The following IHO1 variants were observed in gnomAD, a reference collection of about 807,000 sequenced individuals.
IHO1 encodes the protein interactor of HORMAD1 1.
Under a neutral mutation model 31.0 loss-of-function variants are expected in IHO1, and 13 were observed. The observed-to-expected ratio is 0.42, with a 90% CI of 0.27 to 0.67. IHO1 has a LOEUF of 0.67. IHO1 is among the 30% of genes least tolerant of loss of function. IHO1 has a pLI of 0.24. For synonymous variants in IHO1, 221 were observed against 248.4 expected (o/e 0.89, Z 1.04); for missense variants, 599 against 687.5 (o/e 0.87, Z 1.44).
At chr3:49,244,794 T>C in intron 6 of IHO1, 61 bp downstream of exon 6, 1 of 1,443,228 alleles carries the variant, frequency 6.9e-7, no homozygotes, top group Non-Finnish European at 9.8e-7. Context: ...ACATGAACTT[T>C]CTGACCCCAG....
In IHO1 at chr3:49,257,136, C is replaced by A; in HGVS notation, c.1639C>A (p.Leu547Ile). Residue 547 changes from leucine (L) to isoleucine (I), a missense_variant, in exon 8 of 8, where the codon CTT becomes ATT. By Grantham distance (5) the Leu-to-Ile change is conservative (BLOSUM62 2). Transcript: ENST00000452691. ...GTGCTCTTCCCAAGACAACTGGCTA[C>A]TTTCCAGCAGTTCCCAGGGGGACCA... is the stretch of plus-strand genomic sequence containing the variant. ...SRCSSQDNWL[L>I]SSSSQGDHQM... 6.2e-7 allele frequency: 1 copy of A among 1,614,178 alleles called. No individual in the cohort carries two copies. Among genetic ancestry groups the A allele is most frequent in the Non-Finnish European group, 8.5e-7 (1 of 1,180,034 alleles).
the IHO1 span, among the ~76,000 whole-genome samples, chr3:49,192,579 T>C: frequency 6.6e-6 from 1 of 152,118 alleles, no homozygotes; most frequent in African/African-American, 2.4e-5. Context: ...GGAGAGCCCC[T>C]CTCATGCGAA....
chr3:49,193,423 G>A, the IHO1 span, among the ~76,000 whole-genome samples: 4 of 152,054 alleles, frequency 2.6e-5, no homozygotes, highest in Non-Finnish European at 4.4e-5. Flanking sequence ...AGTTGGCCGG[G>A]AGCGGTAGCT....
chr3:49,244,863 G>C (rs762971409), intron 6 of IHO1, 130 bp downstream of exon 6: 9 of 800,000 alleles, frequency 1.1e-5, no homozygotes, highest in Admixed American at 1.9e-5. Flanking sequence ...GGGTATATAG[G>C]GTTAGTCCTG....
intron 2 of IHO1, among the ~76,000 whole-genome samples, chr3:49,225,646 A>G (rs2046408805): frequency 6.6e-6 from 1 of 152,144 alleles, no homozygotes; most frequent in African/African-American, 2.4e-5. Flanking sequence ...ATCCCTCCCT[A>G]ATAAGGGTGT....
intron 1 of IHO1, among the ~76,000 whole-genome samples, chr3:49,209,716 CAT>C (rs1036185372): frequency 4.0e-5 from 6 of 150,582 alleles, no homozygotes; most frequent in African/African-American, 1.5e-4. Flanking sequence ...AAGCAAATGA[CAT>C]GTCTTTTTTT....
At chr3:49,241,629 AT>A (rs5848865) in intron 4 of IHO1, among the ~76,000 whole-genome samples, 163 of 146,758 alleles carry the variant, frequency 1.1e-3, no homozygotes, top group East Asian at 3.0e-3. Flanking sequence ...TTATAGATTG[AT>A]TTTTTTTTTT....
At chr3:49,197,893 AAAG>A (rs796953047), upstream of IHO1, among the ~76,000 whole-genome samples, 32 of 152,148 alleles carry the variant, frequency 2.1e-4, no homozygotes, top group South Asian at 4.1e-4. Flanking sequence ...AAAAAAAAAA[AAAG>A]AAGAAGAAGA....
At chr3:49,241,769 T>TG (rs1312858814) in intron 4 of IHO1, among the ~76,000 whole-genome samples, 1 of 151,756 alleles carries the variant, frequency 6.6e-6, no homozygotes, top group African/African-American at 2.4e-5. Context: ...TACAGGCGCC[T>TG]GCCACCATGC....
chr3:49,230,298 A>G (rs533607976), intron 2 of IHO1, among the ~76,000 whole-genome samples: 15 of 152,332 alleles, frequency 9.8e-5, no homozygotes, highest in African/African-American at 3.4e-4. Context: ...TACACGACCT[A>G]TGGGGACATT....
At chr3:49,246,198 A>C (rs1043017508) in intron 6 of IHO1, among the ~76,000 whole-genome samples, 2 of 151,622 alleles carry the variant, frequency 1.3e-5, no homozygotes, top group East Asian at 3.9e-4. Flanking sequence ...AAAAAAAAAA[A>C]AAAACTTGTT....
At chr3:49,205,509 T>G (rs1409003509) in intron 1 of IHO1, among the ~76,000 whole-genome samples, 1 of 151,864 alleles carries the variant, frequency 6.6e-6, no homozygotes, top group East Asian at 1.9e-4. Context: ...TTAGTAGAGA[T>G]GGGGTTCCAC....
Position 49,256,247 on chromosome 3 carries a change from G to A in IHO1, c.750G>A (p.Val250=). The part of the protein sequence containing the change: ...QLCEQLGQLN[V]PSVLAELKRL... ...GTGAGCAGCTAGGCCAGCTGAATGT[G>A]CCCAGTGTCCTAGCAGAGCTGAAGA... The change falls in exon 8 of 8, where the codon GTG becomes GTA. Residue 250 remains valine (V), a synonymous_variant. Transcript: ENST00000452691. This position sits in a 1 kb window ranked among gnomAD's most constrained non-coding sequence, Gnocchi z 4.6. The A allele has an allele frequency of 6.2e-7, 1 of 1,614,186 alleles. No homozygotes were observed. Among genetic ancestry groups the A allele is most frequent in the Non-Finnish European group, 8.5e-7 (1 of 1,180,038 alleles).
At chr3:49,249,132 T>TCTA (rs2046730507) in intron 6 of IHO1, among the ~76,000 whole-genome samples, 1 of 152,176 alleles carries the variant, frequency 6.6e-6, no homozygotes, top group Admixed American at 6.6e-5. Context: ...GGCCATCTAA[T>TCTA]CTAACTCTTC....
At chr3:49,191,976 A>C in the IHO1 span, 1 of 605,600 alleles carries the variant, frequency 1.7e-6, no homozygotes, top group Non-Finnish European at 2.9e-6. Context: ...CTGTGAGAAA[A>C]ACCTGCCCCT....
upstream of IHO1, among the ~76,000 whole-genome samples, chr3:49,196,955 C>G (rs1445668556): frequency 1.4e-5 from 2 of 147,948 alleles, no homozygotes; most frequent in Non-Finnish European, 3.0e-5. Flanking sequence ...CAGGAGTGAG[C>G]CACTGCGCCA....
At chr3:49,200,615 T>C (rs2046058340) in intron 1 of IHO1, 3 of 980,296 alleles carry the variant, frequency 3.1e-6, no homozygotes, top group Non-Finnish European at 3.6e-6. Context: ...GTTCCTCCCT[T>C]GTGTACCCAC....
intron 2 of IHO1, among the ~76,000 whole-genome samples, chr3:49,230,527 T>C (rs1018131175): frequency 6.6e-6 from 1 of 152,266 alleles, no homozygotes; most frequent in Non-Finnish European, 1.5e-5. Flanking sequence ...GCCGGACTTA[T>C]GTAGGGCAAG....
intron 6 of IHO1, chr3:49,245,000 G>T (rs2046677045): frequency 6.8e-6 from 4 of 585,296 alleles, no homozygotes; most frequent in Non-Finnish European, 1.2e-5. Context: ...AGGGCAGGTA[G>T]CTCTGCTAGG....
Sources: allele counts gnomAD v4.1 joint callset (sites outside exome capture counted in the v4.1 genomes callset), GRCh38; gene constraint gnomAD v4.1.1; non-coding constraint Gnocchi (gnomAD v3.1); transcripts MANE v1.5; gene names NCBI Gene and HGNC (gene_info 2026-07-23, HGNC 2026-07-21).